Variants in ASTN2 observed in about 807,000 individuals in gnomAD.
ASTN2 encodes the protein astrotactin-2.
A neutral mutation model predicts 139.8 loss-of-function variants in ASTN2; 54 were observed. That is an observed-to-expected ratio of 0.39 (90% CI 0.31 to 0.48). The LOEUF is 0.48. ASTN2 is among the 20% of genes least tolerant of loss of function. ASTN2 has a pLI of 0.95. For synonymous variants in ASTN2, 756 were observed against 719.5 expected, an observed-to-expected ratio of 1.05 and a Z score of -0.81; for missense variants, 1,565 against 1,725.1, an observed-to-expected ratio of 0.91 and a Z score of 1.64.
intron 10 of ASTN2, among the ~76,000 whole-genome samples, chr9:116,896,812 A>G (rs1352149087): frequency 1.3e-5 from 2 of 152,190 alleles, no homozygotes; most frequent in African/African-American, 2.4e-5. Flanking sequence ...CTCATTTACC[A>G]TCATGAGAAC....
intron 19 of ASTN2, among the ~76,000 whole-genome samples, chr9:116,537,113 C>G (rs1175301053): frequency 1.3e-5 from 2 of 152,168 alleles, no homozygotes; most frequent in African/African-American, 4.8e-5. Context: ...GACTGCTGTG[C>G]TAGCAATGAG....
At chr9:116,495,508 T>C (rs1323968874) in intron 19 of ASTN2, among the ~76,000 whole-genome samples, 1 of 150,680 alleles carries the variant, frequency 6.6e-6, no homozygotes, top group African/African-American at 2.5e-5. Context: ...CTGGACCCAG[T>C]TGTGTCTGAG....
chr9:117,400,829 T>C (rs190783022), intron 1 of ASTN2, among the ~76,000 whole-genome samples: 45 of 152,228 alleles, frequency 3.0e-4, no homozygotes, highest in Non-Finnish European at 4.0e-4. Context: ...AGGAAGAGAC[T>C]TGACCACAGA....
chr9:117,344,986 C>G (rs1331716599), intron 1 of ASTN2, among the ~76,000 whole-genome samples: 1 of 152,110 alleles, frequency 6.6e-6, no homozygotes, highest in Non-Finnish European at 1.5e-5. Context: ...GAACGTTTTT[C>G]TCCCTGGGGC....
At chr9:117,335,780 A>G (rs984343932) in intron 1 of ASTN2, among the ~76,000 whole-genome samples, 2 of 152,136 alleles carry the variant, frequency 1.3e-5, no homozygotes, top group African/African-American at 4.8e-5. Flanking sequence ...CAGAGCAAGA[A>G]GAAAAAAAAA....
chr9:116,668,195 CTTT>C (rs35261157), intron 16 of ASTN2, among the ~76,000 whole-genome samples: 8,344 of 137,430 alleles, frequency 0.061, 757 homozygotes, highest in African/African-American at 0.21. Flanking sequence ...TTCAGATTGG[CTTT>C]TTTTTTTTTT....
At chr9:117,069,963 A>G (rs910114951) in intron 5 of ASTN2, among the ~76,000 whole-genome samples, 17 of 138,368 alleles carry the variant, frequency 1.2e-4, no homozygotes, top group Middle Eastern at 3.5e-3. Flanking sequence ...CTCTTTATCC[A>G]ATTTGCCAGT....
intron 19 of ASTN2, among the ~76,000 whole-genome samples, chr9:116,588,994 A>T (rs1854270508): frequency 6.6e-6 from 1 of 152,246 alleles, no homozygotes; most frequent in Non-Finnish European, 1.5e-5. Flanking sequence ...GATTTGGAGA[A>T]AGGTCATATA....
At chr9:117,305,742 T>C (rs1834983015) in intron 1 of ASTN2, among the ~76,000 whole-genome samples, 1 of 152,234 alleles carries the variant, frequency 6.6e-6, no homozygotes, top group Non-Finnish European at 1.5e-5. Context: ...ATTAAGTGCT[T>C]ACTCTGTGCG....
chr9:117,266,602 C>A (rs753236125), intron 2 of ASTN2, among the ~76,000 whole-genome samples: 1 of 152,198 alleles, frequency 6.6e-6, no homozygotes, highest in Non-Finnish European at 1.5e-5. Flanking sequence ...TCCTAGATAA[C>A]TACACTGACC....
rs948947430 is a variant in ASTN2 at position 117,068,878 on chromosome 9, G to A, written c.1276+27166C>T. On this transcript the variant is annotated intron_variant, in intron 5 of 22. Coordinates refer to ENST00000313400, the MANE Select transcript of ASTN2 (RefSeq NM_001365068.1). Reference sequence around the variant, plus strand: ...TATCCCCTTTATCATTTCTTATTGTGTCTATTTGATTCTTCTCTCTTTTTT... The same window carrying A: ...TATCCCCTTTATCATTTCTTATTGTATCTATTTGATTCTTCTCTCTTTTTT... 2.2e-3 allele frequency among the ~76,000 whole-genome samples: 267 copies of A among 119,778 alleles called. 7 individuals are homozygous for A. Among genetic ancestry groups the A allele is most frequent in the Non-Finnish European group, 3.4e-3 (196 of 57,048 alleles). 78.6% of individuals were successfully genotyped at this position (119,778 alleles called of 152,430 possible). A position where few individuals can be genotyped will look rare whatever the true frequency, so the allele number is the denominator to read the frequency against.
intron 3 of ASTN2, among the ~76,000 whole-genome samples, chr9:117,163,333 A>G (rs745891536): frequency 1.3e-5 from 2 of 152,074 alleles, no homozygotes; most frequent in Non-Finnish European, 2.9e-5. Flanking sequence ...ACTTTGTATT[A>G]CCTAATGCTG....
chr9:116,777,829 A>G (rs1375667537), intron 13 of ASTN2, among the ~76,000 whole-genome samples: 2 of 150,028 alleles, frequency 1.3e-5, no homozygotes, highest in African/African-American at 4.9e-5. Flanking sequence ...AAATTGCATT[A>G]CTTTCTCTTT....
chr9:116,750,324 A>G (rs1454813338), intron 13 of ASTN2, among the ~76,000 whole-genome samples: 3 of 152,148 alleles, frequency 2.0e-5, no homozygotes, highest in Non-Finnish European at 2.9e-5. Context: ...AAGCCATAAC[A>G]TGGACTTTGG....
chr9:116,831,780 A>G (rs1227829093), intron 11 of ASTN2, among the ~76,000 whole-genome samples: 1 of 152,084 alleles, frequency 6.6e-6, no homozygotes, highest in African/African-American at 2.4e-5. Context: ...AATTCCAGAA[A>G]AATCTTGTCT....
intron 16 of ASTN2, among the ~76,000 whole-genome samples, chr9:116,656,682 CAA>C (rs33989865): frequency 0.072 from 7,880 of 109,834 alleles, 450 homozygotes; most frequent in South Asian, 0.29. Flanking sequence ...TTGTTGCCAC[CAA>C]AAAAAAAAAA....
At chr9:116,877,326 C>T (rs189382845) in intron 10 of ASTN2, among the ~76,000 whole-genome samples, 66 of 151,892 alleles carry the variant, frequency 4.3e-4, no homozygotes, top group South Asian at 6.2e-4. Context: ...TTTTTTTTGG[C>T]TATGCTGAGC....
In ASTN2 at chr9:117,004,883, T is replaced by C. The variant is rs373619172; in HGVS notation, c.1591+3209A>G. Among the ~76,000 whole-genome samples the C allele has an allele frequency of 1.2e-4, 18 of 152,310 alleles. 1 individual carries two copies. In the South Asian group the frequency reaches 3.7e-3, roughly 32 times the overall value. On this transcript the variant is annotated intron_variant, in intron 7 of 22. Coordinates refer to ENST00000313400, the MANE Select transcript of ASTN2 (RefSeq NM_001365068.1). The stretch of plus-strand genomic sequence containing the variant: ...TAAGTTCCTTTTTCTTTCTGGCTCC[T>C]GTTCTCTATTTGAGGACAATAAGAA...
At chr9:117,350,120 T>G (rs1829342429) in intron 1 of ASTN2, among the ~76,000 whole-genome samples, 1 of 152,172 alleles carries the variant, frequency 6.6e-6, no homozygotes, top group Non-Finnish European at 1.5e-5. Flanking sequence ...ATATAGAAAG[T>G]CTCTGTATAA....
Sources: allele counts gnomAD v4.1 joint callset (sites outside exome capture counted in the v4.1 genomes callset), GRCh38; gene constraint gnomAD v4.1.1; transcripts MANE v1.5; gene names NCBI Gene and HGNC (gene_info 2026-07-23, HGNC 2026-07-21).